C9orf85: variants seen among roughly 807,000 people sequenced by gnomAD.
C9orf85 encodes uncharacterized protein C9orf85.
Under a neutral mutation model 14.9 loss-of-function variants are expected in C9orf85, and 16 were observed. The observed-to-expected ratio is 1.08, with a 90% confidence interval of 0.73 to 1.63. The LOEUF (loss-of-function observed/expected upper bound fraction) is 1.63, where lower values mean the gene tolerates loss of function less well. C9orf85 is among the 40% of genes most tolerant of loss of function. The pLI is 0.00. For synonymous variants in C9orf85, 45 were observed against 56.8 expected, an observed-to-expected ratio of 0.79 and a Z score of 0.93; for missense variants, 172 against 186.1, an observed-to-expected ratio of 0.92 and a Z score of 0.44.
intron 1 of C9orf85, among the ~76,000 whole-genome samples, chr9:71,921,303 C>A (rs1827797958): frequency 6.6e-6 from 1 of 152,206 alleles, no homozygotes; most frequent in Non-Finnish European, 1.5e-5. Flanking sequence ...TGGCTATTCT[C>A]TCTGAAGCCT....
Position 71,948,819 on chromosome 9 carries a change from C to A in C9orf85, c.209+1707C>A, listed in dbSNP as rs868580689. Among the ~76,000 whole-genome samples, 16 of 148,404 alleles carry A rather than the reference C, an allele frequency of 1.1e-4. 1 individual carries two copies. The highest frequency in any genetic ancestry group is 2.0e-4 in the East Asian group (1 of 4,950). On this transcript the variant is annotated intron_variant, in intron 2 of 3. Transcript: ENST00000334731. The stretch of plus-strand genomic sequence containing the variant: ...GATTACAGGCGTGAGCCACGCCCCC[C>A]CCCCCCCCTTTAAATAGTTTTACCA...
intron 1 of C9orf85, among the ~76,000 whole-genome samples, chr9:71,916,550 G>T (rs190301131): frequency 6.6e-6 from 1 of 152,252 alleles, no homozygotes; most frequent in East Asian, 1.9e-4. Context: ...GAACTAATTT[G>T]TTGTGGAGCT....
chr9:71,916,797 G>A (rs1288910494), intron 1 of C9orf85, among the ~76,000 whole-genome samples: 1 of 152,040 alleles, frequency 6.6e-6, no homozygotes, highest in East Asian at 1.9e-4. Context: ...TATTTACTTT[G>A]AACATGATAT....
At chr9:71,942,810 G>A (rs993374513) in intron 1 of C9orf85, among the ~76,000 whole-genome samples, 3 of 151,484 alleles carry the variant, frequency 2.0e-5, no homozygotes, top group Non-Finnish European at 2.9e-5. Context: ...GCCTGAGGTA[G>A]GAGAATCACT....
intron 1 of C9orf85, among the ~76,000 whole-genome samples, chr9:71,920,793 T>C (rs1827781175): frequency 6.6e-6 from 1 of 152,194 alleles, no homozygotes; most frequent in Non-Finnish European, 1.5e-5. Context: ...ATTCTTTTCT[T>C]AGATTTTTCT....
chr9:71,945,451 A>G (rs1822060766), intron 1 of C9orf85, among the ~76,000 whole-genome samples: 1 of 152,360 alleles, frequency 6.6e-6, no homozygotes, highest in Non-Finnish European at 1.5e-5. Context: ...GCACCCATAC[A>G]CAATTTGTAA....
intron 1 of C9orf85, among the ~76,000 whole-genome samples, chr9:71,930,694 A>G (rs1049108651): frequency 8.0e-5 from 12 of 150,854 alleles, no homozygotes; most frequent in Non-Finnish European, 1.8e-4. Flanking sequence ...GGTCCCAGCT[A>G]CTAGGGAGGC....
At chr9:71,927,485 G>A (rs116025740) in intron 1 of C9orf85, among the ~76,000 whole-genome samples, 25 of 152,084 alleles carry the variant, frequency 1.6e-4, no homozygotes, top group African/African-American at 5.8e-4. Context: ...ATAGTTCCAG[G>A]TTTCAACCAA....
chr9:71,960,421 G>T (rs1197156674), intron 2 of C9orf85, among the ~76,000 whole-genome samples: 4 of 152,072 alleles, frequency 2.6e-5, no homozygotes, highest in Non-Finnish European at 5.9e-5. Flanking sequence ...TCAAAAGGAG[G>T]TTTCAGTCTA....
chr9:71,973,972 G>C (rs1822956417), downstream of C9orf85, among the ~76,000 whole-genome samples: 1 of 150,414 alleles, frequency 6.6e-6, no homozygotes, highest in African/African-American at 2.4e-5. Context: ...TGTTGCACAG[G>C]CTGGAGTGCA....
At chr9:71,952,235 C>T (rs940650198) in intron 2 of C9orf85, among the ~76,000 whole-genome samples, 10 of 152,204 alleles carry the variant, frequency 6.6e-5, no homozygotes, top group African/African-American at 2.2e-4. Context: ...TCCTTTTCTC[C>T]TCTTCACCTG....
rs572804491 is a variant in C9orf85, at chr9:71,979,456, G to A, written c.324-3201G>A. Among the ~76,000 whole-genome samples, 60 of 152,214 alleles carry A rather than the reference G, an allele frequency of 3.9e-4. 1 individual carries two copies. The South Asian group carries it at 5.6e-3, about 14-fold the overall frequency. ...AATCATCCTAGGGGGTTTTGTGGGC[G>A]TAGGAAGCAGGTAATCTTGAAACTC... On this transcript the variant is annotated intron_variant, in intron 3 of 3. Transcript: ENST00000377031.
intron 2 of C9orf85, among the ~76,000 whole-genome samples, chr9:71,963,702 G>A (rs1046948572): frequency 6.6e-6 from 1 of 152,238 alleles, no homozygotes; most frequent in African/African-American, 2.4e-5. Context: ...TGCAGAGGGT[G>A]TACTGGGTCC....
intron 2 of C9orf85, among the ~76,000 whole-genome samples, chr9:71,966,646 T>C (rs2132349494): frequency 1.3e-5 from 2 of 152,150 alleles, no homozygotes; most frequent in Middle Eastern, 6.8e-3. Context: ...AAAGGCAAGA[T>C]GGTTAACGCT....
At chr9:71,923,335 C>G (rs1024703305) in intron 1 of C9orf85, among the ~76,000 whole-genome samples, 7 of 152,068 alleles carry the variant, frequency 4.6e-5, no homozygotes, top group African/African-American at 1.7e-4. Flanking sequence ...GGCATGATCT[C>G]AAAGCTCACT....
chr9:71,922,999 G>A (rs1351721734), intron 1 of C9orf85, among the ~76,000 whole-genome samples: 1 of 152,142 alleles, frequency 6.6e-6, no homozygotes, highest in African/African-American at 2.4e-5. Flanking sequence ...GCGTGGTGGT[G>A]CACGCCTGTA....
intron 3 of C9orf85, among the ~76,000 whole-genome samples, chr9:71,979,382 G>C (rs1823057666): frequency 6.6e-6 from 1 of 152,178 alleles, no homozygotes; most frequent in African/African-American, 2.4e-5. Context: ...CTCTCTTCAT[G>C]ATGTTTATAA....
rs977729856 is a variant in C9orf85, at chr9:71,933,079, TAAAAG to T, written c.103-13920_103-13916del. ...TGGAAATTGTCAAGTATGAGAAACA[TAAAAG>T]AAAAGATTGGGAAAAAGTGAACAGA... On this transcript the variant is annotated intron_variant, in intron 1 of 3. Transcript: ENST00000334731. Among the ~76,000 whole-genome samples, 8 of 152,194 alleles carry T rather than the reference TAAAAG, an allele frequency of 5.3e-5. No individual in the cohort carries two copies. The South Asian group carries it at 6.2e-4, about 12-fold the overall frequency.
rs192919092 is a variant in C9orf85 at position 71,954,422 on chromosome 9, G to A, written c.209+7310G>A. Among the ~76,000 whole-genome samples the A allele has an allele frequency of 2.1e-3, 322 of 152,258 alleles. 2 individuals carry two copies. The highest frequency in any genetic ancestry group is 7.4e-3 in the African/African-American group (306 of 41,552). ...CCCCAAGAGAGGGTTCTTGGATCTC[G>A]TGAAAGCAAGTTTATTAAGAAAGTA... On this transcript the variant is annotated intron_variant, in intron 2 of 3. Transcript: ENST00000334731.
Sources: allele counts gnomAD v4.1 joint callset (sites outside exome capture counted in the v4.1 genomes callset), GRCh38; gene constraint gnomAD v4.1.1; transcripts MANE v1.5; gene names NCBI Gene and HGNC (gene_info 2026-07-23, HGNC 2026-07-21).